AMPH: variants seen among roughly 807,000 people sequenced by gnomAD.
The protein encoded by AMPH is amphiphysin.
Under a neutral mutation model 99.1 loss-of-function variants are expected in AMPH, and 49 were observed. The ratio of observed to expected loss-of-function variants is 0.49; its 90% CI spans 0.39 to 0.63. The LOEUF is 0.63. AMPH is among the 20% of genes least tolerant of loss of function. The pLI is 0.00. For synonymous variants in AMPH, 314 were observed against 317.3 expected (o/e 0.99, Z 0.11); for missense variants, 759 against 863.4 (o/e 0.88, Z 1.52).
intron 17 of AMPH, among the ~76,000 whole-genome samples, chr7:38,415,405 C>T (rs1488514865): frequency 6.6e-6 from 1 of 152,152 alleles, no homozygotes; most frequent in African/African-American, 2.4e-5. Flanking sequence ...CTGACGACAA[C>T]CACAGCCAGC....
chr7:38,503,007 C>T (rs1331171781), intron 3 of AMPH, among the ~76,000 whole-genome samples: 1 of 152,050 alleles, frequency 6.6e-6, no homozygotes, highest in African/African-American at 2.4e-5. Context: ...TTGGCTGTGA[C>T]TCAGGGCAGG....
intron 7 of AMPH, among the ~76,000 whole-genome samples, chr7:38,473,806 T>C (rs1787984617): frequency 7.2e-6 from 1 of 138,316 alleles, no homozygotes; most frequent in Non-Finnish European, 1.6e-5. Flanking sequence ...AAAAAAGCCA[T>C]AGCATCATAT....
At chr7:38,397,293 T>C (rs1784698455) in intron 17 of AMPH, among the ~76,000 whole-genome samples, 1 of 152,260 alleles carries the variant, frequency 6.6e-6, no homozygotes, top group Admixed American at 6.5e-5. Flanking sequence ...TATCTTTCCA[T>C]GACCTATAGA....
intron 1 of AMPH, among the ~76,000 whole-genome samples, chr7:38,620,788 T>C (rs968810696): frequency 6.6e-6 from 1 of 152,108 alleles, no homozygotes; most frequent in South Asian, 2.1e-4. Context: ...AGTTTACTGC[T>C]GTTGTAAAAA....
intron 11 of AMPH, among the ~76,000 whole-genome samples, chr7:38,451,291 GCACACA>G (rs1787007352): frequency 6.8e-6 from 1 of 147,484 alleles, no homozygotes; most frequent in Admixed American, 6.7e-5. Flanking sequence ...ATATACACAT[GCACACA>G]TATATACGTG....
chr7:38,512,116 A>T (rs1789563385), intron 2 of AMPH, among the ~76,000 whole-genome samples: 2 of 152,216 alleles, frequency 1.3e-5, no homozygotes, highest in Non-Finnish European at 2.9e-5. Flanking sequence ...CTCTAGTATG[A>T]GATCCCTAAA....
intron 17 of AMPH, among the ~76,000 whole-genome samples, chr7:38,407,255 C>CT (rs1191898031): frequency 2.1e-5 from 3 of 144,028 alleles, no homozygotes; most frequent in Non-Finnish European, 3.0e-5. Context: ...CTGTATCTAA[C>CT]TATCTATCTA....
intron 1 of AMPH, among the ~76,000 whole-genome samples, chr7:38,622,669 T>C (rs574194801): frequency 6.6e-6 from 1 of 152,254 alleles, no homozygotes; most frequent in Admixed American, 6.5e-5. Flanking sequence ...CTAGGCACAA[T>C]GTGTGAGGAT....
At chr7:38,539,218 G>C (rs959169919) in intron 1 of AMPH, among the ~76,000 whole-genome samples, 3 of 152,202 alleles carry the variant, frequency 2.0e-5, no homozygotes, top group Admixed American at 6.5e-5. Context: ...AGCCCTGAAA[G>C]TGTCCACTGG....
At chr7:38,508,446 T>TA (rs1246085997) in intron 2 of AMPH, among the ~76,000 whole-genome samples, 1 of 152,132 alleles carries the variant, frequency 6.6e-6, no homozygotes. Context: ...ACTTTTGTTA[T>TA]AAAAAGAAAA....
intron 1 of AMPH, 128 bp downstream of exon 1, chr7:38,631,155 C>A: frequency 1.2e-6 from 1 of 842,882 alleles, no homozygotes; most frequent in Non-Finnish European, 1.5e-6. Context: ...CCCAGCGTCC[C>A]TGGCCCCGGC....
chr7:38,610,797 C>CA (rs908395609), intron 1 of AMPH, among the ~76,000 whole-genome samples: 5 of 151,442 alleles, frequency 3.3e-5, no homozygotes, highest in Admixed American at 1.3e-4. Flanking sequence ...ACATAGCAAA[C>CA]AAAAAAAATC....
chr7:38,411,444 T>A (rs373093357), intron 17 of AMPH, among the ~76,000 whole-genome samples: 1 of 152,302 alleles, frequency 6.6e-6, no homozygotes. Context: ...TTTTTCCTGA[T>A]CATGTTTAAG....
chr7:38,554,236 T>C (rs560898688), intron 1 of AMPH, among the ~76,000 whole-genome samples: 2 of 152,306 alleles, frequency 1.3e-5, no homozygotes, highest in Non-Finnish European at 2.9e-5. Flanking sequence ...CTTCCCAAAT[T>C]CAGCAGATAA....
chr7:38,600,479 TA>T (rs913874747), intron 1 of AMPH, among the ~76,000 whole-genome samples: 1 of 152,280 alleles, frequency 6.6e-6, no homozygotes, highest in African/African-American at 2.4e-5. Context: ...ATTTTTACCA[TA>T]AAAAAGGTTT....
intron 11 of AMPH, among the ~76,000 whole-genome samples, chr7:38,444,799 T>C (rs10250342): frequency 0.2 from 30,222 of 151,748 alleles, 3,210 homozygotes; most frequent in Non-Finnish European, 0.22. Context: ...CTGAAGTTCA[T>C]ATGGAAATTC....
intron 2 of AMPH, among the ~76,000 whole-genome samples, chr7:38,523,464 ATGT>A (rs1028446820): frequency 6.6e-6 from 1 of 152,214 alleles, no homozygotes; most frequent in African/African-American, 2.4e-5. Flanking sequence ...AAAGGTAAAA[ATGT>A]TGTCAGAGAA....
chr7:38,418,137 A>C (rs1468759208), intron 16 of AMPH, 187 bp from the exon 17 acceptor site: 1 of 498,280 alleles, frequency 2.0e-6, no homozygotes, highest in Non-Finnish European at 3.3e-6. Flanking sequence ...ACTAGAAATA[A>C]AATCTTATTA....
At chr7:38,564,004 C>T (rs1008443375) in intron 1 of AMPH, among the ~76,000 whole-genome samples, 1 of 152,190 alleles carries the variant, frequency 6.6e-6, no homozygotes, top group African/African-American at 2.4e-5. Flanking sequence ...CAATCATTCC[C>T]TTCTTGACAA....
Sources: gnomAD v4.1 joint callset for allele counts (sites outside exome capture counted in the v4.1 genomes callset) on GRCh38, gnomAD v4.1.1 for gene constraint, MANE v1.5 for transcripts, NCBI Gene and HGNC (gene_info 2026-07-23, HGNC 2026-07-21) for gene names.